Variants in ZNF804B observed in about 807,000 individuals in gnomAD.
ZNF804B encodes zinc finger 804B.
In ZNF804B, 80 loss-of-function variants were observed where a neutral mutation model predicts 101.4. That is an observed-to-expected ratio of 0.79 (90% CI 0.66 to 0.95). The LOEUF (loss-of-function observed/expected upper bound fraction) is 0.95. Among genes scored for constraint, ZNF804B ranks in the 40% least tolerant of loss-of-function variants. The pLI is 0.00. For synonymous variants in ZNF804B, 622 were observed against 558.8 expected, an observed-to-expected ratio of 1.11 and a Z score of -1.59; for missense variants, 1,673 against 1,561.9, an observed-to-expected ratio of 1.07 and a Z score of -1.20.
chr7:89,112,545 G>T (rs1353169591), intron 1 of ZNF804B, among the ~76,000 whole-genome samples: 2 of 152,086 alleles, frequency 1.3e-5, no homozygotes, highest in Non-Finnish European at 2.9e-5. Flanking sequence ...CTTGAAATTG[G>T]TTTTTGTCAG....
chr7:89,174,239 C>T lies in ZNF804B; in HGVS notation c.109-43916C>T, dbSNP rs138877394. 2.4e-3 allele frequency among the ~76,000 whole-genome samples: 358 copies of T among 152,058 alleles called. 2 individuals carry two copies. Among genetic ancestry groups the T allele is most frequent in the Non-Finnish European group, 2.8e-3 (189 of 67,848 alleles). On this transcript the variant is annotated intron_variant, in intron 1 of 3. Coordinates refer to ENST00000333190, the MANE Select transcript of ZNF804B (RefSeq NM_181646.5). ...TAACAATCTCCACTTACTCTCATCCCACCACTCACTACCCTTCCCAGCCTC... is the reference window on the plus strand; with the variant it reads ...TAACAATCTCCACTTACTCTCATCCTACCACTCACTACCCTTCCCAGCCTC...
chr7:89,138,812 C>CT (rs1476860470), intron 1 of ZNF804B, among the ~76,000 whole-genome samples: 2 of 152,050 alleles, frequency 1.3e-5, no homozygotes, highest in African/African-American at 4.8e-5. Context: ...CACAAGCTCT[C>CT]TTTTTTTGCC....
chr7:89,212,757 G>A (rs1788824583), intron 1 of ZNF804B, among the ~76,000 whole-genome samples: 1 of 152,026 alleles, frequency 6.6e-6, no homozygotes, highest in African/African-American at 2.4e-5. Context: ...TCCTTTATAG[G>A]TGTAAATTTA....
chr7:89,165,902 A>G (rs1791136307), intron 1 of ZNF804B, among the ~76,000 whole-genome samples: 3 of 152,180 alleles, frequency 2.0e-5, no homozygotes, highest in Admixed American at 1.3e-4. Context: ...CCTATTGTAT[A>G]TCATACCATG....
intron 1 of ZNF804B, among the ~76,000 whole-genome samples, chr7:88,968,432 G>A (rs1056977561): frequency 5.9e-5 from 9 of 151,526 alleles, no homozygotes; most frequent in Middle Eastern, 6.8e-3. Context: ...TTTCCAAATA[G>A]CATTCTCAAC....
At chr7:88,856,359 T>A (rs958236376) in intron 1 of ZNF804B, among the ~76,000 whole-genome samples, 1 of 152,206 alleles carries the variant, frequency 6.6e-6, no homozygotes, top group East Asian at 1.9e-4. Context: ...TTTTATTCTC[T>A]TTGAAGCAAC....
chr7:88,923,972 C>T (rs948380215), intron 1 of ZNF804B, among the ~76,000 whole-genome samples: 1 of 151,894 alleles, frequency 6.6e-6, no homozygotes, highest in South Asian at 2.1e-4. Context: ...TCTAGTGATA[C>T]CAATTTGTGT....
chr7:88,784,519 A>G (rs974069805), intron 1 of ZNF804B, among the ~76,000 whole-genome samples: 1 of 152,122 alleles, frequency 6.6e-6, no homozygotes, highest in Admixed American at 6.6e-5. Flanking sequence ...GACAGAACCA[A>G]CCTCACTGGA....
At chr7:89,192,078 GA>G (rs1048812890) in intron 1 of ZNF804B, among the ~76,000 whole-genome samples, 1 of 152,032 alleles carries the variant, frequency 6.6e-6, no homozygotes, top group African/African-American at 2.4e-5. Flanking sequence ...TTAGGAGGAT[GA>G]AAAATAAATT....
At chr7:89,239,800 T>C (rs1324740378) in intron 2 of ZNF804B, among the ~76,000 whole-genome samples, 4 of 143,938 alleles carry the variant, frequency 2.8e-5, no homozygotes, top group African/African-American at 1.1e-4. Flanking sequence ...GTCATTTTTC[T>C]TTATATATAT....
intron 1 of ZNF804B, among the ~76,000 whole-genome samples, chr7:88,866,141 G>A (rs1309449031): frequency 6.6e-6 from 1 of 151,648 alleles, no homozygotes; most frequent in African/African-American, 2.4e-5. Context: ...TTTTAACCTG[G>A]AAAAAAAGGC....
chr7:88,950,366 C>G (rs1340857931), intron 1 of ZNF804B, among the ~76,000 whole-genome samples: 1 of 151,794 alleles, frequency 6.6e-6, no homozygotes, highest in Non-Finnish European at 1.5e-5. Flanking sequence ...ATAGATGATT[C>G]AATAAGAAAG....
intron 1 of ZNF804B, among the ~76,000 whole-genome samples, chr7:88,778,323 G>A (rs192084089): frequency 6.7e-4 from 102 of 152,180 alleles, no homozygotes; most frequent in Admixed American, 1.5e-3. Context: ...TGGTTCGATC[G>A]GGCCCACTTG....
chr7:89,253,208 C>G (rs1463013802), intron 2 of ZNF804B, among the ~76,000 whole-genome samples: 1 of 151,928 alleles, frequency 6.6e-6, no homozygotes, highest in African/African-American at 2.4e-5. Context: ...AGCTAAGTAT[C>G]CAACTTAAAA....
intron 1 of ZNF804B, among the ~76,000 whole-genome samples, chr7:88,815,091 T>C (rs2115743841): frequency 6.7e-6 from 1 of 148,698 alleles, no homozygotes; most frequent in African/African-American, 2.4e-5. Context: ...TTCATACATA[T>C]ATGTATTATG....
intron 1 of ZNF804B, among the ~76,000 whole-genome samples, chr7:88,843,517 C>T (rs932472199): frequency 6.6e-6 from 1 of 152,086 alleles, no homozygotes; most frequent in African/African-American, 2.4e-5. Context: ...ATGGGCAGAT[C>T]ACAAGGTCAG....
chr7:88,773,822 A>C (rs1326645692), intron 1 of ZNF804B, among the ~76,000 whole-genome samples: 1 of 151,592 alleles, frequency 6.6e-6, no homozygotes, highest in Non-Finnish European at 1.5e-5. Flanking sequence ...GGGAGATGCC[A>C]CTCTCTTTTA....
intron 2 of ZNF804B, among the ~76,000 whole-genome samples, chr7:89,254,873 T>G (rs1789601771): frequency 6.6e-6 from 1 of 152,100 alleles, no homozygotes; most frequent in African/African-American, 2.4e-5. Context: ...TGGGAACTCC[T>G]GACCCCAGGC....
Position 88,971,366 on chromosome 7 carries a change from A to G in ZNF804B, c.108+211282A>G, listed in dbSNP as rs116630642. Among the ~76,000 whole-genome samples, 474 of 151,802 alleles carry G rather than the reference A, an allele frequency of 3.1e-3. 8 individuals carry two copies. The highest frequency in any genetic ancestry group is 0.011 in the African/African-American group (453 of 41,500). On this transcript the variant is annotated intron_variant, in intron 1 of 3. Transcript: ENST00000333190. ...AGGCAATAAGAAGACAAAACTCAAT[A>G]AGACAATTTTTGACAATAAAGAAAT... is the stretch of plus-strand genomic sequence containing the variant.
Sources: allele counts gnomAD v4.1 joint callset (sites outside exome capture counted in the v4.1 genomes callset), GRCh38; gene constraint gnomAD v4.1.1; transcripts MANE v1.5; gene names NCBI Gene and HGNC (gene_info 2026-07-23, HGNC 2026-07-21).